The following HK2 variants were observed in gnomAD, a reference collection of about 807,000 sequenced individuals.
HK2 encodes hexokinase-2.
HK2 carries 42 observed loss-of-function variants against 92.9 expected under a neutral mutation model. That is an observed-to-expected ratio of 0.45 (90% CI 0.35 to 0.58). The LOEUF is 0.58. Among genes scored for constraint, HK2 ranks in the 20% least tolerant of loss-of-function variants. HK2 has a pLI of 0.00. For missense variants in HK2, 978 were observed against 1,245.1 expected, an observed-to-expected ratio of 0.79 and a Z score of 3.23; for synonymous variants, 422 against 468.0, an observed-to-expected ratio of 0.90 and a Z score of 1.27.
At position 74,886,369 on chromosome 2, in the gene HK2, C is replaced by T. The variant is rs748406880; in HGVS notation, c.2011C>T (p.His671Tyr). The stretch of plus-strand genomic sequence containing the variant: ...GATGACCTGTGGCTTTGAAGACCCT[C>T]ACTGTGAAGTTGGCCTCATTGTTGG... ...TMMTCGFEDP[H>Y]CEVGLIVGTG... is the part of the protein sequence containing the mutation. Residue 671 changes from histidine (H) to tyrosine (Y), a missense_variant, in exon 14 of 18, where the codon CAC becomes TAC. His to Tyr is a moderately conservative substitution (Grantham distance 83, BLOSUM62 2). Coordinates refer to ENST00000290573, the MANE Select transcript of HK2 (RefSeq NM_000189.5). 5.0e-6 allele frequency: 8 copies of T among 1,614,142 alleles called. No individual in the cohort carries two copies. The highest frequency in any genetic ancestry group is 5.9e-6 in the Non-Finnish European group (7 of 1,180,010).
Position 74,834,709 on chromosome 2 carries a change from T to G in HK2, c.63+66T>G. 2 of 1,542,724 alleles carry G rather than the reference T, an allele frequency of 1.3e-6. No homozygotes were observed. Among genetic ancestry groups the G allele is most frequent in the Non-Finnish European group, 1.8e-6 (2 of 1,115,754 alleles). Reference sequence around the variant, plus strand: ...AAGTGGTCTGGCCTCCATCAGTCTCTTCCTCGACCCTGCGGGGACCCGCTT... The same window carrying G: ...AAGTGGTCTGGCCTCCATCAGTCTCGTCCTCGACCCTGCGGGGACCCGCTT... On this transcript the variant is annotated intron_variant, in intron 1 of 17. Transcript: ENST00000290573. The surrounding 1 kb of genome is among the most constrained non-coding windows in gnomAD (Gnocchi z 4.2).
intron 8 of HK2, 21 bp downstream of exon 8, chr2:74,877,342 C>T (rs373781772): frequency 6.2e-7 from 1 of 1,613,982 alleles, no homozygotes; most frequent in Non-Finnish European, 8.5e-7. Context: ...GGCCAGCCCC[C>T]TCTATTTGCT....
intron 2 of HK2, among the ~76,000 whole-genome samples, chr2:74,866,463 C>G (rs1351665369): frequency 6.6e-6 from 1 of 152,172 alleles, no homozygotes; most frequent in African/African-American, 2.4e-5. Flanking sequence ...TGCGGATGCG[C>G]CTTGCCTGCT....
At chr2:74,886,269 T>C (rs1367352605) in intron 13 of HK2, 25 bp from the exon 14 acceptor site, 1 of 1,569,442 alleles carries the variant, frequency 6.4e-7, no homozygotes, top group African/African-American at 1.3e-5. Context: ...ACCTGTGAAC[T>C]GGGCATCTGC....
intron 10 of HK2, 73 bp from the exon 11 acceptor site, chr2:74,881,638 C>T (rs941614595): frequency 5.9e-5 from 86 of 1,457,578 alleles, no homozygotes; most frequent in Admixed American, 8.4e-5. Context: ...GTATTTGGAT[C>T]GTTTTAAGTG....
chr2:74,852,636 A>G (rs1488159342), intron 1 of HK2, among the ~76,000 whole-genome samples: 1 of 152,122 alleles, frequency 6.6e-6, no homozygotes, highest in African/African-American at 2.4e-5. Context: ...GGAGTTGGAA[A>G]CAAGCTGGGC....
At position 74,867,310 on chromosome 2, in the gene HK2, G is replaced by C. The variant is rs150176898; in HGVS notation, c.227-326G>C. Among the ~76,000 whole-genome samples the C allele has an allele frequency of 6.7e-3, 1,021 of 152,116 alleles. 54 individuals are homozygous for C. Among genetic ancestry groups the C allele is most frequent in the Admixed American group, 0.06 (916 of 15,280 alleles). ...ACATCATATGTTCTCACTCATAATT[G>C]GGAACTAAGCTATGAGGATGCAAAA... On this transcript the variant is annotated intron_variant, in intron 2 of 17. Coordinates refer to ENST00000290573, the MANE Select transcript of HK2 (RefSeq NM_000189.5).
chr2:74,889,592 G>C lies in HK2; in HGVS notation c.2609+114G>C, dbSNP rs890756345. 2.7e-5 allele frequency: 21 copies of C among 782,804 alleles called. No homozygotes were observed. The South Asian group carries it at 3.0e-4, about 11-fold the overall frequency. The allele number at this position is 782,804 out of a possible 1,614,324, so 48.5% of individuals were successfully genotyped here. On this transcript the variant is annotated intron_variant, in intron 17 of 17. Coordinates refer to ENST00000290573, the MANE Select transcript of HK2 (RefSeq NM_000189.5). ...AGTGAATTATCAGCCATTCCAAATA[G>C]TGTATATAATACATGGATTATAGTT...
At chr2:74,863,350 A>G (rs1411123522) in intron 2 of HK2, among the ~76,000 whole-genome samples, 3 of 152,232 alleles carry the variant, frequency 2.0e-5, no homozygotes, top group Admixed American at 1.3e-4. Context: ...AAAACAAATG[A>G]TGTAGAAGAT....
rs372158069 is a variant in HK2 at position 74,838,184 on chromosome 2, G to A, written c.63+3541G>A. On this transcript the variant is annotated intron_variant, in intron 1 of 17. Transcript: ENST00000290573. ...GTTTTCAGTTTGGGTTCCTTCCTCA[G>A]GGCAGGGAGAATCTTGGCTGTTAGG... 5.9e-5 allele frequency among the ~76,000 whole-genome samples: 9 copies of A among 152,282 alleles called. No homozygotes were observed. The South Asian group carries it at 1.9e-3, about 32-fold the overall frequency.
intron 2 of HK2, among the ~76,000 whole-genome samples, chr2:74,862,776 C>T (rs995340674): frequency 7.9e-5 from 12 of 152,216 alleles, no homozygotes; most frequent in African/African-American, 1.9e-4. Context: ...AAACGCCTTA[C>T]ACTTCCTTGC....
In HK2 at chr2:74,889,588, A is replaced by G. The variant is rs1226924951; in HGVS notation, c.2609+110A>G. 3.8e-6 allele frequency: 3 copies of G among 788,876 alleles called. No individual in the cohort carries two copies. The East Asian group carries it at 8.0e-5, about 21-fold the overall frequency. 48.9% of individuals were successfully genotyped at this position (788,876 alleles called of 1,614,324 possible). ...TTATAGTGAATTATCAGCCATTCCA[A>G]ATAGTGTATATAATACATGGATTAT... is the stretch of plus-strand genomic sequence containing the variant. On this transcript the variant is annotated intron_variant, in intron 17 of 17. Coordinates refer to ENST00000290573, the MANE Select transcript of HK2 (RefSeq NM_000189.5).
intron 12 of HK2, 144 bp downstream of exon 12, chr2:74,882,383 T>G: frequency 1.7e-6 from 2 of 1,207,158 alleles, no homozygotes; most frequent in South Asian, 2.5e-5. Context: ...GGCTCCTTGA[T>G]GGGAATGAGT....
rs1689147167 is a variant in HK2 at position 74,873,391 on chromosome 2, C to T, written c.591+20C>T. Reference sequence around the variant, plus strand: ...AGAGGGGTGAGTGGGGTGGCAGGAGCTTGGGGTCTGTGGGCTTTTCTGGGT... The same window carrying T: ...AGAGGGGTGAGTGGGGTGGCAGGAGTTTGGGGTCTGTGGGCTTTTCTGGGT... On this transcript the variant is annotated intron_variant, in intron 5 of 17. Transcript: ENST00000290573. 6.3e-7 allele frequency: 1 copy of T among 1,576,082 alleles called. No homozygotes were observed. The highest frequency in any genetic ancestry group is 2.2e-5 in the East Asian group (1 of 44,652).
intron 2 of HK2, among the ~76,000 whole-genome samples, chr2:74,864,948 C>T (rs1435466821): frequency 6.6e-6 from 1 of 152,226 alleles, no homozygotes; most frequent in Admixed American, 6.5e-5. Context: ...CCACACCACA[C>T]AGGTAGTGAA....
chr2:74,846,037 T>C lies in HK2; in HGVS notation c.64-8256T>C, dbSNP rs180840028. On this transcript the variant is annotated intron_variant, in intron 1 of 17. Transcript: ENST00000290573. ...TCGGCTGGTCACTGGATGCTATGGG[T>C]CTTCAGGGACTAGGCCTGTGATTTG... Among the ~76,000 whole-genome samples, 60 of 152,354 alleles carry C rather than the reference T, an allele frequency of 3.9e-4. 1 individual carries two copies. Among genetic ancestry groups the C allele is most frequent in the African/African-American group, 1.4e-3 (57 of 41,590 alleles).
chr2:74,868,577 C>T (rs1226340210), intron 3 of HK2, among the ~76,000 whole-genome samples: 1 of 151,964 alleles, frequency 6.6e-6, no homozygotes. Context: ...GTTTTTTTCA[C>T]AGGGGTTTTT....
intron 2 of HK2, among the ~76,000 whole-genome samples, chr2:74,859,634 C>CA (rs1192137666): frequency 1.7e-4 from 26 of 149,996 alleles, no homozygotes; most frequent in African/African-American, 4.4e-4. Flanking sequence ...GACTCCATCT[C>CA]AAAAAAAAAG....
Position 74,893,359 on chromosome 2 carries a change from A to G in HK2, c.*2418A>G, listed in dbSNP as rs1689729447. 1 of 152,162 alleles carries G rather than the reference A, an allele frequency of 6.6e-6. No individual in the cohort carries two copies. The highest frequency in any genetic ancestry group is 1.5e-5 in the Non-Finnish European group (1 of 68,040). The allele number at this position is 152,162 out of a possible 1,614,324, so 9.4% of individuals were successfully genotyped here. A position where few individuals can be genotyped will look rare whatever the true frequency, so the allele number is the denominator to read the frequency against. On this transcript the variant is annotated 3_prime_UTR_variant, in exon 18 of 18. Transcript: ENST00000290573. ...TTTTAACATTTTCCAAAATAATCAA[A>G]TGTGATTCATGAGTGTTTTTAAGAG...
Sources: gnomAD v4.1 joint callset for allele counts (sites outside exome capture counted in the v4.1 genomes callset) on GRCh38, gnomAD v4.1.1 for gene constraint, Gnocchi (gnomAD v3.1) non-coding constraint, MANE v1.5 for transcripts, NCBI Gene and HGNC (gene_info 2026-07-23, HGNC 2026-07-21) for gene names.